Variants in RAB6B observed in about 807,000 individuals in gnomAD.
RAB6B encodes the protein RAB6B, member RAS oncogene family, also known as ras-related protein Rab-6B.
In RAB6B, 7 loss-of-function variants were observed where a neutral mutation model predicts 31.2. The observed-to-expected ratio is 0.22, with a 90% CI of 0.13 to 0.42. The LOEUF is 0.42. Among genes scored for constraint, RAB6B ranks in the 10% least tolerant of loss-of-function variants. The probability of loss-of-function intolerance (pLI) is 1.00; values close to 1 mark genes in which losing one functional copy is unlikely to be tolerated. For synonymous variants in RAB6B, 105 were observed against 104.9 expected (o/e 1.00, Z -0.01); for missense variants, 149 against 280.6 (o/e 0.53, Z 3.35).
intron 2 of RAB6B, among the ~76,000 whole-genome samples, chr3:133,850,186 C>A (rs1264353270): frequency 6.6e-6 from 1 of 152,154 alleles, no homozygotes; most frequent in Non-Finnish European, 1.5e-5. Context: ...CAGTTGCTGC[C>A]TACCACGGGG....
chr3:133,852,644 A>C (rs1162414199), intron 2 of RAB6B, among the ~76,000 whole-genome samples: 2 of 151,394 alleles, frequency 1.3e-5, no homozygotes, highest in Non-Finnish European at 1.5e-5. Context: ...CTAATTAAAA[A>C]AACAATTTTC....
intron 1 of RAB6B, among the ~76,000 whole-genome samples, chr3:133,871,344 G>A (rs1164312891): frequency 2.0e-5 from 3 of 152,204 alleles, no homozygotes; most frequent in Admixed American, 6.5e-5. Flanking sequence ...TCCTGAAAAA[G>A]GCACCATTTG....
At chr3:133,835,872 T>G (rs1935727578) in intron 6 of RAB6B, among the ~76,000 whole-genome samples, 1 of 152,140 alleles carries the variant, frequency 6.6e-6, no homozygotes, top group Admixed American at 6.5e-5. Flanking sequence ...TGCCTGCACC[T>G]TGACCATGGA....
At chr3:133,883,059 T>C (rs1459001301) in intron 1 of RAB6B, among the ~76,000 whole-genome samples, 4 of 152,166 alleles carry the variant, frequency 2.6e-5, no homozygotes, top group Non-Finnish European at 4.4e-5. Context: ...CTTTGGAGGT[T>C]TGCTCTGTTC....
In RAB6B at chr3:133,868,776, A is replaced by G. The variant is rs150164062; in HGVS notation, c.71-4134T>C. Among the ~76,000 whole-genome samples the G allele has an allele frequency of 3.9e-3, 600 of 152,330 alleles. 3 individuals carry two copies. Among genetic ancestry groups the G allele is most frequent in the Admixed American group, 0.02 (302 of 15,302 alleles). On this transcript the variant is annotated intron_variant, in intron 1 of 7. Transcript: ENST00000285208. ...TACTGAGCATTTACCAGGAGATGCT[A>G]GAAAGAAGGAGAGGAAACTCAAACT...
intron 1 of RAB6B, among the ~76,000 whole-genome samples, chr3:133,878,133 T>A (rs1215611614): frequency 6.6e-6 from 1 of 152,062 alleles, no homozygotes; most frequent in Non-Finnish European, 1.5e-5. Context: ...GAAAAAATAT[T>A]TGAAGAAATG....
chr3:133,830,556 T>G (rs1235519959), intron 7 of RAB6B, among the ~76,000 whole-genome samples: 2 of 152,126 alleles, frequency 1.3e-5, no homozygotes, highest in Non-Finnish European at 2.9e-5. Context: ...ACACCCAGCC[T>G]TCCTCCCCAT....
intron 1 of RAB6B, among the ~76,000 whole-genome samples, chr3:133,882,494 T>C (rs534885832): frequency 1.3e-5 from 2 of 152,210 alleles, no homozygotes; most frequent in Non-Finnish European, 2.9e-5. Context: ...TACTCTTTAC[T>C]CCACCTCTGC....
intron 1 of RAB6B, among the ~76,000 whole-genome samples, chr3:133,875,488 C>T (rs1431440335): frequency 1.3e-5 from 2 of 152,140 alleles, no homozygotes; most frequent in Non-Finnish European, 2.9e-5. Flanking sequence ...TCTGGAGACG[C>T]ACTATACAGC....
chr3:133,869,891 C>A (rs1167534118), intron 1 of RAB6B, among the ~76,000 whole-genome samples: 1 of 152,216 alleles, frequency 6.6e-6, no homozygotes, highest in Non-Finnish European at 1.5e-5. Context: ...CTGCATGGAA[C>A]AAAGCCACAC....
At chr3:133,836,055 G>A (rs1023169247) in intron 6 of RAB6B, among the ~76,000 whole-genome samples, 1 of 152,208 alleles carries the variant, frequency 6.6e-6, no homozygotes, top group Non-Finnish European at 1.5e-5. Flanking sequence ...TCCACTGCAT[G>A]AGCTCTCTGA....
intron 1 of RAB6B, among the ~76,000 whole-genome samples, chr3:133,877,753 T>C (rs1009857465): frequency 2.0e-5 from 3 of 148,504 alleles, no homozygotes; most frequent in Admixed American, 6.8e-5. Context: ...ATTATAACTG[T>C]TATATAATAT....
At chr3:133,840,212 G>T (rs113821840) in intron 4 of RAB6B, among the ~76,000 whole-genome samples, 1 of 152,108 alleles carries the variant, frequency 6.6e-6, no homozygotes, top group Non-Finnish European at 1.5e-5. Context: ...CTAGTCAGGG[G>T]AGCCAGGTGC....
In RAB6B at chr3:133,828,754, G is replaced by C. The variant is rs200553268; in HGVS notation, c.*34C>G. 33 of 1,566,742 alleles carry C rather than the reference G, an allele frequency of 2.1e-5. 1 individual carries two copies. Among genetic ancestry groups the C allele is most frequent in the Admixed American group, 1.2e-4 (7 of 59,900 alleles). On this transcript the variant is annotated 3_prime_UTR_variant, in exon 8 of 8. Coordinates refer to ENST00000285208, the MANE Select transcript of RAB6B (RefSeq NM_016577.4). ...CAATAGGAAGCAACACAACAAGCAA[G>C]GAGTGTCATGGGAAGCCACAGGTCG...
chr3:133,879,661 G>A (rs948395205), intron 1 of RAB6B, among the ~76,000 whole-genome samples: 1 of 152,338 alleles, frequency 6.6e-6, no homozygotes, highest in African/African-American at 2.4e-5. Context: ...AATACCTTCA[G>A]GGTTACTTGA....
intron 6 of RAB6B, among the ~76,000 whole-genome samples, 193 bp downstream of exon 6, chr3:133,837,973 C>A: frequency 6.6e-6 from 1 of 152,184 alleles, no homozygotes; most frequent in Non-Finnish European, 1.5e-5. Context: ...CCGGAGTGGT[C>A]CCTCCCTCTT....
chr3:133,862,171 C>G (rs1936169701), intron 2 of RAB6B, among the ~76,000 whole-genome samples: 1 of 152,004 alleles, frequency 6.6e-6, no homozygotes, highest in African/African-American at 2.4e-5. Flanking sequence ...GGAGGGCAGT[C>G]CTCTCTGAGG....
At chr3:133,872,680 A>G (rs2108008323) in intron 1 of RAB6B, among the ~76,000 whole-genome samples, 1 of 152,348 alleles carries the variant, frequency 6.6e-6, no homozygotes, top group Non-Finnish European at 1.5e-5. Flanking sequence ...GGCAGCTCCC[A>G]CTAGAGCCCT....
At chr3:133,887,498 C>G (rs141403818) in intron 1 of RAB6B, among the ~76,000 whole-genome samples, 186 of 152,346 alleles carry the variant, frequency 1.2e-3, no homozygotes, top group Admixed American at 3.4e-3. Context: ...TGCAGCCCCT[C>G]TCACCAGCAG....
Sources: gnomAD v4.1 joint callset for allele counts (sites outside exome capture counted in the v4.1 genomes callset) on GRCh38, gnomAD v4.1.1 for gene constraint, MANE v1.5 for transcripts, NCBI Gene and HGNC (gene_info 2026-07-23, HGNC 2026-07-21) for gene names.